The following ISY1 variants were observed in gnomAD, a reference collection of about 807,000 sequenced individuals.
ISY1 encodes the protein ISY1 spliceosome associated protein.
Under a neutral mutation model 54.4 loss-of-function variants are expected in ISY1, and 12 were observed. The ratio of observed to expected loss-of-function variants is 0.22; its 90% CI spans 0.14 to 0.36. The LOEUF is 0.36. Ranked by LOEUF, ISY1 falls within the 10% of genes least tolerant of loss-of-function variation. The pLI is 1.00. For synonymous variants in ISY1, 96 were observed against 117.9 expected (o/e 0.81, Z 1.20); for missense variants, 282 against 342.2 (o/e 0.82, Z 1.39).
chr3:129,147,055 A>G lies in ISY1; in HGVS notation c.188-1182T>C, dbSNP rs1365248246. Among the ~76,000 whole-genome samples the G allele has an allele frequency of 4.3e-5, 6 of 140,986 alleles. No individual in the cohort carries two copies. The East Asian group carries it at 1.3e-3, about 30-fold the overall frequency. The allele number at this position is 140,986 out of a possible 152,430, so 92.5% of individuals were successfully genotyped here. On this transcript the variant is annotated intron_variant, in intron 5 of 10. Transcript: ENST00000393295. ...GCCTGGGTGACAGAGTGAGACCGCC[A>G]TTCAAAAAAAAAAAAAAGTCAAGTA... is the stretch of plus-strand genomic sequence containing the variant.
At position 129,140,359 on chromosome 3, in the gene ISY1, C is replaced by G. The variant is rs199890591; in HGVS notation, c.418+9G>C. ...AATGAAAGGCTAAAACTGTCACAAA[C>G]TTACTTACGTTCTTTTTCAAACAGC... On this transcript the variant is annotated intron_variant, in intron 7 of 10. Transcript: ENST00000393295. 1.3e-6 allele frequency: 2 copies of G among 1,597,738 alleles called. No homozygotes were observed. The highest frequency in any genetic ancestry group is 2.3e-5 in the South Asian group (2 of 87,100).
chr3:129,137,553 C>G (rs1264935975), intron 7 of ISY1, among the ~76,000 whole-genome samples: 1 of 152,124 alleles, frequency 6.6e-6, no homozygotes, highest in African/African-American at 2.4e-5. Context: ...GAAGGAACAG[C>G]CAGGCGAGGT....
intron 5 of ISY1, among the ~76,000 whole-genome samples, chr3:129,153,787 A>G (rs1937046532): frequency 6.6e-6 from 1 of 151,952 alleles, no homozygotes; most frequent in African/African-American, 2.4e-5. Flanking sequence ...CTCTGTCTCA[A>G]AACAAAACAA....
intron 1 of ISY1, among the ~76,000 whole-genome samples, chr3:129,159,419 A>G (rs1190223907): frequency 1.3e-5 from 2 of 152,196 alleles, no homozygotes; most frequent in East Asian, 3.9e-4. Context: ...GCTAACTTGC[A>G]TTATTCTTCC....
chr3:129,147,198 G>A, intron 5 of ISY1, among the ~76,000 whole-genome samples: 1 of 151,940 alleles, frequency 6.6e-6, no homozygotes, highest in Non-Finnish European at 1.5e-5. Flanking sequence ...CAACATGGGG[G>A]AGTCCTTGTC....
At chr3:129,130,677 G>T (rs967628298) in intron 9 of ISY1, 41 bp from the exon 10 acceptor site, 1 of 1,608,688 alleles carries the variant, frequency 6.2e-7, no homozygotes, top group Non-Finnish European at 8.5e-7. Flanking sequence ...TAGGCGCCCA[G>T]CTAGATAAAT....
At chr3:129,142,468 G>C (rs1936649189) in intron 6 of ISY1, among the ~76,000 whole-genome samples, 1 of 151,968 alleles carries the variant, frequency 6.6e-6, no homozygotes, top group South Asian at 2.1e-4. Context: ...CCTTTCAAGT[G>C]GTTCACAAAA....
At chr3:129,137,930 A>AC (rs1238364598) in intron 7 of ISY1, among the ~76,000 whole-genome samples, 2 of 148,424 alleles carry the variant, frequency 1.3e-5, no homozygotes, top group African/African-American at 5.0e-5. Context: ...AAAAAAAAAA[A>AC]AAAAAACTCG....
At position 129,158,568 on chromosome 3, in the gene ISY1, G is replaced by A. The variant is rs772302610; in HGVS notation, c.27-9C>T. On this transcript the variant is annotated splice_polypyrimidine_tract_variant and intron_variant, in intron 2 of 10. Transcript: ENST00000393295. ...ATCTTGCTAAGGCCGTCCTACCAGC[G>A]ATATAAAAGATAAAAGACTCCATTA... The A allele has an allele frequency of 1.2e-5, 20 of 1,613,814 alleles. No homozygotes were observed. The highest frequency in any genetic ancestry group is 1.7e-5 in the Admixed American group (1 of 60,000).
intron 8 of ISY1, 131 bp downstream of exon 8, chr3:129,134,701 T>A: frequency 7.9e-7 from 1 of 1,271,952 alleles, no homozygotes; most frequent in Non-Finnish European, 1.0e-6. Context: ...TAGCAGACCA[T>A]CACGCCTGAA....
At chr3:129,136,708 AAG>A (rs1342817155) in intron 7 of ISY1, among the ~76,000 whole-genome samples, 3 of 141,824 alleles carry the variant, frequency 2.1e-5, no homozygotes, top group Non-Finnish European at 3.0e-5. Flanking sequence ...TTTTTTTTTA[AAG>A]ACAGAGCCTC....
chr3:129,155,288 G>A (rs1937102685), intron 5 of ISY1, among the ~76,000 whole-genome samples: 1 of 151,628 alleles, frequency 6.6e-6, no homozygotes, highest in South Asian at 2.1e-4. Flanking sequence ...TCCGCCTCCC[G>A]GGTTCAAGCG....
intron 5 of ISY1, among the ~76,000 whole-genome samples, chr3:129,150,583 G>A: frequency 6.6e-6 from 1 of 152,012 alleles, no homozygotes; most frequent in East Asian, 1.9e-4. Flanking sequence ...CGTGGTGGTG[G>A]GCGCCTGTAG....
chr3:129,145,924 AC>A (rs775029880), intron 5 of ISY1, 51 bp from the exon 6 acceptor site: 1 of 1,558,100 alleles, frequency 6.4e-7, no homozygotes. Context: ...GAATGTCAAC[AC>A]CTCTAACACG....
chr3:129,133,994 G>A lies in ISY1; in HGVS notation c.663+80C>T, dbSNP rs1010864419. The A allele has an allele frequency of 2.6e-5, 42 of 1,590,776 alleles. No homozygotes were observed. The African/African-American group carries it at 5.0e-4, about 19-fold the overall frequency. On this transcript the variant is annotated intron_variant, in intron 9 of 10. Coordinates refer to ENST00000393295, the MANE Select transcript of ISY1 (RefSeq NM_020701.4). The stretch of plus-strand genomic sequence containing the variant: ...GGCTGTGAACCCTGACTCTGTATTT[G>A]GGAGCCAAGTTTCCTCCCTGCCACA...
chr3:129,134,701 T>C (rs888175172), intron 8 of ISY1, 131 bp downstream of exon 8: 52 of 1,271,834 alleles, frequency 4.1e-5, no homozygotes, highest in Non-Finnish European at 4.7e-5. Context: ...TAGCAGACCA[T>C]CACGCCTGAA....
At chr3:129,130,331 TC>T in intron 10 of ISY1, 143 bp from the exon 11 acceptor site, 1 of 1,287,054 alleles carries the variant, frequency 7.8e-7, no homozygotes, top group Non-Finnish European at 1.0e-6. Flanking sequence ...GAGTCCTAAC[TC>T]CCTCCCATTG....
intron 5 of ISY1, among the ~76,000 whole-genome samples, chr3:129,155,712 T>C (rs940997887): frequency 6.6e-6 from 1 of 151,960 alleles, no homozygotes; most frequent in African/African-American, 2.4e-5. Context: ...GAAAATACTC[T>C]GTGTAATTTC....
rs1936158992 is a variant in ISY1, at chr3:129,128,722, C to T, written c.*1359G>A. 1 of 153,178 alleles carries T rather than the reference C, an allele frequency of 6.5e-6. No individual in the cohort carries two copies. Among genetic ancestry groups the T allele is most frequent in the African/African-American group, 2.4e-5 (1 of 41,590 alleles). 9.5% of individuals were successfully genotyped at this position (153,178 alleles called of 1,614,324 possible). ...ATGGGCTTCTCCAAGCCAAGAGTTC[C>T]TCCTATTCCCAAACAGCCTGAGCTG... On this transcript the variant is annotated 3_prime_UTR_variant, in exon 11 of 11. Coordinates refer to ENST00000393295, the MANE Select transcript of ISY1 (RefSeq NM_020701.4).
Sources: gnomAD v4.1 joint callset for allele counts (sites outside exome capture counted in the v4.1 genomes callset) on GRCh38, gnomAD v4.1.1 for gene constraint, MANE v1.5 for transcripts, NCBI Gene and HGNC (gene_info 2026-07-23, HGNC 2026-07-21) for gene names.